The following FBXW11 variants were observed in gnomAD, a reference collection of about 807,000 sequenced individuals.
FBXW11 encodes F-box/WD repeat-containing protein 11.
FBXW11 carries 19 observed loss-of-function variants against 77.6 expected under a neutral mutation model. The observed-to-expected ratio is 0.24, with a 90% CI of 0.17 to 0.36. The LOEUF is 0.36. Ranked by LOEUF, FBXW11 falls within the 10% of genes least tolerant of loss-of-function variation. The pLI is 1.00. For missense variants in FBXW11, 334 were observed against 704.2 expected, an observed-to-expected ratio of 0.47 and a Z score of 5.95; for synonymous variants, 235 against 249.4, an observed-to-expected ratio of 0.94 and a Z score of 0.54.
chr5:171,996,618 G>C (rs1766066901), intron 1 of FBXW11, among the ~76,000 whole-genome samples: 2 of 152,168 alleles, frequency 1.3e-5, no homozygotes, highest in South Asian at 4.1e-4. Flanking sequence ...AGCCATGTTT[G>C]TGCCACTGCA....
intron 1 of FBXW11, among the ~76,000 whole-genome samples, chr5:171,977,020 A>G (rs1323384640): frequency 1.3e-5 from 2 of 150,066 alleles, no homozygotes; most frequent in Non-Finnish European, 3.0e-5. Flanking sequence ...GGGCAACAAG[A>G]GTAAAACTCC....
rs2288815 is a variant in FBXW11 at position 171,872,534 on chromosome 5, T to C, written c.1340+338A>G. 4.3e-3 allele frequency among the ~76,000 whole-genome samples: 661 copies of C among 152,098 alleles called. 14 individuals are homozygous for C. In the East Asian group the frequency reaches 0.076, roughly 17 times the overall value. ...ATAAAGTACACTCCCATGTGTTAGG[T>C]AGGGAGGTGGGAGCTCACAGGTGAG... On this transcript the variant is annotated intron_variant, in intron 10 of 13. Transcript: ENST00000517395.
chr5:171,953,492 C>A (rs528448386), intron 2 of FBXW11, among the ~76,000 whole-genome samples: 1 of 152,146 alleles, frequency 6.6e-6, no homozygotes, highest in South Asian at 2.1e-4. Flanking sequence ...GACAGACCGA[C>A]CCTGAACAAA....
chr5:171,999,007 A>C (rs1444663099), intron 1 of FBXW11, among the ~76,000 whole-genome samples: 1 of 152,152 alleles, frequency 6.6e-6, no homozygotes, highest in Non-Finnish European at 1.5e-5. Flanking sequence ...AAGGCAATTA[A>C]AGTGACTGAA....
chr5:171,874,340 T>C (rs933528865), intron 9 of FBXW11, among the ~76,000 whole-genome samples: 2 of 152,078 alleles, frequency 1.3e-5, no homozygotes, highest in African/African-American at 2.4e-5. Context: ...AGGGCAGATA[T>C]AATAAAAGAG....
chr5:171,967,741 A>C lies in FBXW11; in HGVS notation c.46-10043T>G, dbSNP rs555536227. ...GAAGTCCCAGCTACTCAGGAGGTTG[A>C]GGCAGGAGAATCGCTTGAACCCGGG... On this transcript the variant is annotated intron_variant, in intron 1 of 13. Transcript: ENST00000517395. Among the ~76,000 whole-genome samples, 17 of 151,714 alleles carry C rather than the reference A, an allele frequency of 1.1e-4. No homozygotes were observed. The East Asian group carries it at 3.3e-3, about 29-fold the overall frequency.
intron 2 of FBXW11, among the ~76,000 whole-genome samples, chr5:171,935,389 T>C (rs1762421056): frequency 6.6e-6 from 1 of 152,008 alleles, no homozygotes; most frequent in African/African-American, 2.4e-5. Context: ...ATTTGAGTTA[T>C]GTCTCAATAA....
intron 2 of FBXW11, among the ~76,000 whole-genome samples, chr5:171,930,762 T>TAAAAAAAAAAAAA (rs59700625): frequency 1.6e-5 from 2 of 126,496 alleles, no homozygotes; most frequent in Admixed American, 7.9e-5. Context: ...AATAAAAAAA[T>TAAAAAAAAAAAAA]AAAAAAAAAA....
chr5:171,893,437 A>G (rs985137955), intron 6 of FBXW11, among the ~76,000 whole-genome samples: 1 of 146,996 alleles, frequency 6.8e-6, no homozygotes, highest in African/African-American at 2.4e-5. Context: ...AAAAAAAAAA[A>G]AAAAAAAAAA....
At chr5:171,966,095 CTG>C (rs1480329811) in intron 1 of FBXW11, among the ~76,000 whole-genome samples, 2 of 152,184 alleles carry the variant, frequency 1.3e-5, no homozygotes, top group Non-Finnish European at 2.9e-5. Flanking sequence ...GCCTGCAGAA[CTG>C]TGAGTCAATT....
chr5:171,938,891 A>C (rs1561703167), intron 2 of FBXW11, among the ~76,000 whole-genome samples: 1 of 152,192 alleles, frequency 6.6e-6, no homozygotes, highest in Non-Finnish European at 1.5e-5. Context: ...TTTAGGTGAA[A>C]AGGCAAAGTG....
intron 6 of FBXW11, among the ~76,000 whole-genome samples, chr5:171,893,204 G>T (rs1561656472): frequency 1.3e-5 from 2 of 151,758 alleles, no homozygotes; most frequent in Non-Finnish European, 2.9e-5. Flanking sequence ...AAGAGTCCTG[G>T]AAATACGGTA....
At chr5:171,938,371 AT>A (rs1184387311) in intron 2 of FBXW11, among the ~76,000 whole-genome samples, 1 of 152,196 alleles carries the variant, frequency 6.6e-6, no homozygotes, top group Non-Finnish European at 1.5e-5. Context: ...CCATAAACAG[AT>A]TTTCAAAAAA....
intron 2 of FBXW11, among the ~76,000 whole-genome samples, chr5:171,917,968 T>G: frequency 6.6e-6 from 1 of 152,230 alleles, no homozygotes. Context: ...AGCCCCCATT[T>G]TATAATAATA....
intron 1 of FBXW11, among the ~76,000 whole-genome samples, chr5:171,998,410 A>T (rs1224098758): frequency 1.4e-5 from 2 of 147,680 alleles, no homozygotes; most frequent in African/African-American, 5.2e-5. Context: ...CCTAAGCTCA[A>T]GCGATCTGCC....
intron 6 of FBXW11, among the ~76,000 whole-genome samples, chr5:171,894,850 A>G (rs918128085): frequency 6.6e-6 from 1 of 152,220 alleles, no homozygotes; most frequent in African/African-American, 2.4e-5. Context: ...TGTAAGGTTC[A>G]AATGAGATTA....
chr5:171,979,359 A>C (rs547553083), intron 1 of FBXW11, among the ~76,000 whole-genome samples: 2 of 152,304 alleles, frequency 1.3e-5, no homozygotes, highest in South Asian at 4.1e-4. Context: ...ATACATATGT[A>C]CATGTATATG....
intron 7 of FBXW11, among the ~76,000 whole-genome samples, chr5:171,880,802 T>C (rs1414545527): frequency 6.6e-6 from 1 of 152,182 alleles, no homozygotes; most frequent in African/African-American, 2.4e-5. Context: ...GTTCAAGCTA[T>C]TGTCCTGCCT....
chr5:171,923,051 A>G (rs959519925), intron 2 of FBXW11, among the ~76,000 whole-genome samples: 2 of 152,090 alleles, frequency 1.3e-5, no homozygotes, highest in Non-Finnish European at 2.9e-5. Flanking sequence ...TGTAGCTGGG[A>G]CTACAGGCGT....
Sources: gnomAD v4.1 joint callset for allele counts (sites outside exome capture counted in the v4.1 genomes callset) on GRCh38, gnomAD v4.1.1 for gene constraint, MANE v1.5 for transcripts, NCBI Gene and HGNC (gene_info 2026-07-23, HGNC 2026-07-21) for gene names.